TIAM1: variants seen among roughly 807,000 people sequenced by gnomAD.
The protein encoded by TIAM1 is rho guanine nucleotide exchange factor TIAM1.
In TIAM1, 65 loss-of-function variants were observed where a neutral mutation model predicts 163.5. That is an observed-to-expected ratio of 0.40 (90% CI 0.33 to 0.49). The LOEUF is 0.49. Ranked by LOEUF, TIAM1 falls within the 20% of genes least tolerant of loss-of-function variation. The pLI is 0.77. For synonymous variants in TIAM1, 833 were observed against 810.1 expected, an observed-to-expected ratio of 1.03 and a Z score of -0.48; for missense variants, 1,789 against 2,044.7, an observed-to-expected ratio of 0.87 and a Z score of 2.41.
At chr21:31,469,797 C>A (rs534525480) in intron 1 of TIAM1, among the ~76,000 whole-genome samples, 1 of 151,446 alleles carries the variant, frequency 6.6e-6, no homozygotes, top group Non-Finnish European at 1.5e-5. Flanking sequence ...GCGCCACTGC[C>A]CTCCAGCCTG....
chr21:31,487,789 C>A (rs2046326800), intron 1 of TIAM1, among the ~76,000 whole-genome samples: 1 of 151,480 alleles, frequency 6.6e-6, no homozygotes, highest in Non-Finnish European at 1.5e-5. Flanking sequence ...GATCTCCTGA[C>A]CTCATGATCC....
At chr21:31,503,423 G>A (rs1360392696) in intron 1 of TIAM1, among the ~76,000 whole-genome samples, 1 of 89,178 alleles carries the variant, frequency 1.1e-5, no homozygotes, top group Non-Finnish European at 2.0e-5. Context: ...GAGAAGAGGA[G>A]AAAGAGAGAG....
upstream of TIAM1, among the ~76,000 whole-genome samples, chr21:31,346,535 G>A (rs923316859): frequency 6.6e-6 from 1 of 152,204 alleles, no homozygotes; most frequent in African/African-American, 2.4e-5. Flanking sequence ...TGTAAAGCCA[G>A]GCGGGACTGT....
intron 1 of TIAM1, among the ~76,000 whole-genome samples, chr21:31,469,249 A>G (rs2045649997): frequency 6.6e-6 from 1 of 150,672 alleles, no homozygotes; most frequent in Non-Finnish European, 1.5e-5. Context: ...ACCACACCAT[A>G]CCTGGCTAAT....
chr21:31,557,001 C>T (rs1857111684), intron 1 of TIAM1, among the ~76,000 whole-genome samples: 2 of 152,182 alleles, frequency 1.3e-5, no homozygotes. Context: ...TTGTTCAAAC[C>T]TCCCTCCTTC....
chr21:31,294,366 A>G (rs1452084607), intron 2 of TIAM1, among the ~76,000 whole-genome samples: 1 of 152,208 alleles, frequency 6.6e-6, no homozygotes, highest in Non-Finnish European at 1.5e-5. Context: ...CCATCTAGAG[A>G]GAAAGCAAGC....
chr21:31,388,082 C>T (rs991869118), intron 2 of TIAM1, among the ~76,000 whole-genome samples: 1 of 151,070 alleles, frequency 6.6e-6, no homozygotes, highest in Non-Finnish European at 1.5e-5. Flanking sequence ...TTCCTGAGGC[C>T]TCCCTAGAAG....
At chr21:31,298,825 A>AG (rs1569183761) in intron 2 of TIAM1, among the ~76,000 whole-genome samples, 32 of 151,220 alleles carry the variant, frequency 2.1e-4, no homozygotes, top group African/African-American at 6.6e-4. Context: ...AGAGAGAGAG[A>AG]AAAACAGATG....
At chr21:31,373,227 T>C (rs1056719688) in intron 2 of TIAM1, among the ~76,000 whole-genome samples, 1 of 152,016 alleles carries the variant, frequency 6.6e-6, no homozygotes, top group African/African-American at 2.4e-5. Context: ...GAGGCAGAGG[T>C]TGCAGTAAGG....
rs1241079018 is a variant in TIAM1 at position 31,398,089 on chromosome 21, C to T, written c.-368-58667G>A. Among the ~76,000 whole-genome samples, 4 of 148,058 alleles carry T rather than the reference C, an allele frequency of 2.7e-5. No individual in the cohort carries two copies. In the Admixed American group the frequency reaches 2.8e-4, roughly 10 times the overall value. On this transcript the variant is annotated intron_variant, in intron 2 of 28. Transcript: ENST00000286827. ...ACAACCTCCCCCAACCTCCCCTCTGCACCAGCAGAATGGGACCCAGGGGCA... is the reference window on the plus strand; with the variant it reads ...ACAACCTCCCCCAACCTCCCCTCTGTACCAGCAGAATGGGACCCAGGGGCA...
intron 1 of TIAM1, among the ~76,000 whole-genome samples, chr21:31,540,515 G>GATCGCTT (rs1169508108): frequency 1.3e-5 from 2 of 152,238 alleles, no homozygotes; most frequent in Non-Finnish European, 2.9e-5. Flanking sequence ...GAGGCAGGAG[G>GATCGCTT]ATCGCTTAAG....
At chr21:31,285,868 A>T (rs1401419219) in intron 2 of TIAM1, among the ~76,000 whole-genome samples, 2 of 152,136 alleles carry the variant, frequency 1.3e-5, no homozygotes, top group Non-Finnish European at 2.9e-5. Context: ...TCAACAAATA[A>T]ATTAATTAAT....
chr21:31,274,719 G>A (rs2073212823), intron 3 of TIAM1, among the ~76,000 whole-genome samples: 1 of 152,150 alleles, frequency 6.6e-6, no homozygotes, highest in Admixed American at 6.5e-5. Context: ...AACATCTCTA[G>A]TGCAAAATTC....
At chr21:31,195,426 C>A in intron 12 of TIAM1, 121 bp from the exon 13 acceptor site, 2 of 695,232 alleles carry the variant, frequency 2.9e-6, no homozygotes, top group Non-Finnish European at 4.7e-6. Context: ...ACTTCACAAT[C>A]TTATCATTAA....
intron 2 of TIAM1, among the ~76,000 whole-genome samples, chr21:31,460,852 G>T (rs891013792): frequency 2.0e-5 from 3 of 151,912 alleles, no homozygotes; most frequent in Non-Finnish European, 4.4e-5. Flanking sequence ...TTAAACTCCT[G>T]TTTTTATATT....
rs371835530 is a variant in TIAM1 at position 31,496,656 on chromosome 21, T to C, written c.-421-32621A>G. On this transcript the variant is annotated intron_variant, in intron 1 of 28. Transcript: ENST00000286827. ...TTTAGTGTAGCCTAAGTGTCCAATA[T>C]TTATAGTCTATTTTAGTGTCCAGAA... 1.1e-4 allele frequency among the ~76,000 whole-genome samples: 17 copies of C among 152,100 alleles called. No individual in the cohort carries two copies. In the South Asian group the frequency reaches 3.1e-3, roughly 28 times the overall value.
At chr21:31,176,358 T>C (rs2084764456) in intron 15 of TIAM1, among the ~76,000 whole-genome samples, 1 of 152,316 alleles carries the variant, frequency 6.6e-6, no homozygotes, top group African/African-American at 2.4e-5. Context: ...CTGAAGGAAC[T>C]ATCTTTTTGT....
chr21:31,287,257 A>G (rs943936285), intron 2 of TIAM1, among the ~76,000 whole-genome samples: 1 of 152,262 alleles, frequency 6.6e-6, no homozygotes, highest in Non-Finnish European at 1.5e-5. Context: ...GCTTAGGGCT[A>G]TCTAAAAACT....
chr21:31,203,648 A>G lies in TIAM1; in HGVS notation c.2389-636T>C, dbSNP rs183429264. Among the ~76,000 whole-genome samples, 114 of 150,124 alleles carry G rather than the reference A, an allele frequency of 7.6e-4. 2 individuals are homozygous for G. Among genetic ancestry groups the G allele is most frequent in the Admixed American group, 6.1e-3 (89 of 14,546 alleles). On this transcript the variant is annotated intron_variant, in intron 11 of 27. Coordinates refer to ENST00000541036, the MANE Select transcript of TIAM1 (RefSeq NM_001353694.2). ...ATTTTCAACACAACACAGCAGATCA[A>G]AAAGGTTCTTAAATATAACTTCATA... is the stretch of plus-strand genomic sequence containing the variant.
Sources: allele counts gnomAD v4.1 joint callset (sites outside exome capture counted in the v4.1 genomes callset), GRCh38; gene constraint gnomAD v4.1.1; transcripts MANE v1.5; gene names NCBI Gene and HGNC (gene_info 2026-07-23, HGNC 2026-07-21).